LARP4: variants seen among roughly 807,000 people sequenced by gnomAD.
LARP4 encodes the protein la-related protein 4.
Under a neutral mutation model 92.9 loss-of-function variants are expected in LARP4, and 29 were observed. That is an observed-to-expected ratio of 0.31 (90% CI 0.23 to 0.43). The LOEUF (loss-of-function observed/expected upper bound fraction) is 0.43. Ranked by LOEUF, LARP4 falls within the 20% of genes least tolerant of loss-of-function variation. LARP4 has a pLI of 1.00. For synonymous variants in LARP4, 279 were observed against 284.1 expected (o/e 0.98, Z 0.18); for missense variants, 732 against 860.0 (o/e 0.85, Z 1.86).
rs540942712 is a variant in LARP4, at chr12:50,411,396, C to T, written c.18+10368C>T. Among the ~76,000 whole-genome samples the T allele has an allele frequency of 4.6e-5, 7 of 152,178 alleles. No homozygotes were observed. The South Asian group carries it at 1.5e-3, about 32-fold the overall frequency. The stretch of plus-strand genomic sequence containing the variant: ...ATGGATTTTTGCTCTGTTGCCTAGG[C>T]TGGAGTGCAGTGGCACAATCTCAGC... On this transcript the variant is annotated intron_variant, in intron 1 of 15. Transcript: ENST00000398473.
chr12:50,463,593 A>T (rs1955756992), intron 12 of LARP4, among the ~76,000 whole-genome samples: 1 of 151,972 alleles, frequency 6.6e-6, no homozygotes, highest in South Asian at 2.1e-4. Flanking sequence ...TCTCAAAAAT[A>T]ATAAACAAAA....
intron 8 of LARP4, 111 bp downstream of exon 8, chr12:50,441,754 A>T (rs1951238425): frequency 2.1e-6 from 2 of 939,562 alleles, no homozygotes; most frequent in Non-Finnish European, 3.2e-6. Context: ...ACTTTCAAAA[A>T]GTTTCTGGCT....
intron 1 of LARP4, among the ~76,000 whole-genome samples, chr12:50,414,331 T>A (rs1946407892): frequency 6.6e-6 from 1 of 152,072 alleles, no homozygotes; most frequent in South Asian, 2.1e-4. Flanking sequence ...TGAGACGGGG[T>A]CTTGCTCTGT....
chr12:50,401,152 A>T (rs1456584805), intron 1 of LARP4, 124 bp downstream of exon 1: 12 of 1,100,924 alleles, frequency 1.1e-5, no homozygotes, highest in Admixed American at 3.4e-5. Flanking sequence ...ATAGGCTGAC[A>T]CAGCACCTGG....
chr12:50,472,481 G>GT (rs754526744), intron 13 of LARP4, among the ~76,000 whole-genome samples: 28 of 151,410 alleles, frequency 1.8e-4, no homozygotes, highest in South Asian at 1.5e-3. Flanking sequence ...CATGTTGAGC[G>GT]TGAGTCAAGA....
chr12:50,407,149 C>T (rs1260799640), intron 1 of LARP4, among the ~76,000 whole-genome samples: 1 of 152,172 alleles, frequency 6.6e-6, no homozygotes, highest in Non-Finnish European at 1.5e-5. Context: ...CCTCAGCCTC[C>T]TGAGTAGCTG....
chr12:50,450,483 G>A (rs1378888149), intron 8 of LARP4, among the ~76,000 whole-genome samples: 1 of 152,082 alleles, frequency 6.6e-6, no homozygotes, highest in African/African-American at 2.4e-5. Flanking sequence ...ATGTAGGTTT[G>A]TACTGATGCT....
At chr12:50,443,506 G>A (rs4238103) in intron 8 of LARP4, among the ~76,000 whole-genome samples, 146,967 of 152,218 alleles carry the variant, frequency 0.97, 71,169 homozygotes, top group East Asian at 1. Context: ...AACTCAAACA[G>A]TCCTTCCATC....
intron 4 of LARP4, among the ~76,000 whole-genome samples, chr12:50,434,473 C>T (rs1396354195): frequency 1.3e-5 from 2 of 148,930 alleles, no homozygotes. Context: ...AACTGGAGTG[C>T]AGTGGCGTGA....
intron 1 of LARP4, chr12:50,416,528 CACA>C (rs1182373765): frequency 6.6e-6 from 1 of 152,252 alleles, no homozygotes; most frequent in African/African-American, 2.4e-5. Flanking sequence ...AAAACAAAAA[CACA>C]ACATCAGCTG....
intron 1 of LARP4, among the ~76,000 whole-genome samples, chr12:50,410,458 T>A (rs978540441): frequency 6.7e-6 from 1 of 150,020 alleles, no homozygotes; most frequent in Non-Finnish European, 1.5e-5. Flanking sequence ...CAGGCTGGAG[T>A]GCAGTAGTGC....
At chr12:50,417,057 C>T (rs1338800456) in intron 1 of LARP4, among the ~76,000 whole-genome samples, 2 of 152,142 alleles carry the variant, frequency 1.3e-5, no homozygotes, top group Admixed American at 1.3e-4. Flanking sequence ...ACTTTTGGTA[C>T]AGCAAGCACT....
chr12:50,409,805 A>T (rs187529985), intron 1 of LARP4, among the ~76,000 whole-genome samples: 188 of 149,574 alleles, frequency 1.3e-3, no homozygotes, highest in Middle Eastern at 3.5e-3. Context: ...TATTATTATT[A>T]TTATTTTTTT....
chr12:50,431,543 T>C (rs1317865806), intron 4 of LARP4, among the ~76,000 whole-genome samples: 1 of 152,146 alleles, frequency 6.6e-6, no homozygotes, highest in Non-Finnish European at 1.5e-5. Context: ...TGGAGAAGTC[T>C]TATTTACAGA....
chr12:50,474,128 T>C lies in LARP4; in HGVS notation c.1797T>C (p.Cys599=). Residue 599 remains cysteine, a synonymous_variant, in exon 15 of 16, where the codon TGT becomes TGC. Transcript: ENST00000398473. ...CGAGGGCAAGTACTGCTTCACCATG[T>C]AATAATAACATAAATGCAGCTACAG... ...KPSRASTASP[C]NNNINAATAV... 1 of 1,613,320 alleles carries C rather than the reference T, an allele frequency of 6.2e-7. No individual in the cohort carries two copies. Among genetic ancestry groups the C allele is most frequent in the South Asian group, 1.1e-5 (1 of 90,994 alleles).
intron 14 of LARP4, 133 bp downstream of exon 14, chr12:50,473,669 C>T: frequency 1.2e-6 from 1 of 801,300 alleles, no homozygotes; most frequent in Non-Finnish European, 1.9e-6. Context: ...AGTTCAAGAC[C>T]AGTCTGGCCA....
chr12:50,404,910 G>A (rs753093364), intron 1 of LARP4, among the ~76,000 whole-genome samples: 25 of 151,664 alleles, frequency 1.6e-4, no homozygotes, highest in Non-Finnish European at 2.9e-4. Flanking sequence ...GGATGGTCTC[G>A]GTCTCTTGAC....
At chr12:50,416,699 T>C (rs1211608824) in intron 1 of LARP4, among the ~76,000 whole-genome samples, 2 of 151,678 alleles carry the variant, frequency 1.3e-5, no homozygotes, top group East Asian at 1.9e-4. Flanking sequence ...ATAATTACCT[T>C]TCAATGTGGG....
At chr12:50,418,926 T>G (rs1052683632) in intron 1 of LARP4, among the ~76,000 whole-genome samples, 1 of 151,626 alleles carries the variant, frequency 6.6e-6, no homozygotes, top group Non-Finnish European at 1.5e-5. Flanking sequence ...CTTCCTATGT[T>G]GCCAGGCTGG....
Sources: gnomAD v4.1 joint callset for allele counts (sites outside exome capture counted in the v4.1 genomes callset) on GRCh38, gnomAD v4.1.1 for gene constraint, MANE v1.5 for transcripts, NCBI Gene and HGNC (gene_info 2026-07-23, HGNC 2026-07-21) for gene names.